COLEC12: variants seen among roughly 807,000 people sequenced by gnomAD.
COLEC12 encodes collectin-12.
COLEC12 carries 33 observed loss-of-function variants against 71.1 expected under a neutral mutation model. The ratio of observed to expected loss-of-function variants is 0.46; its 90% CI spans 0.35 to 0.62. The LOEUF (loss-of-function observed/expected upper bound fraction) is 0.62. Among genes scored for constraint, COLEC12 ranks in the 20% least tolerant of loss-of-function variants. The probability of loss-of-function intolerance (pLI) is 0.00; values close to 1 mark genes in which losing one functional copy is unlikely to be tolerated. For missense variants in COLEC12, 765 were observed against 916.1 expected (o/e 0.84, Z 2.13); for synonymous variants, 350 against 353.0 (o/e 0.99, Z 0.10).
At chr18:436,861 T>A (rs1191781269) in intron 2 of COLEC12, among the ~76,000 whole-genome samples, 1 of 152,232 alleles carries the variant, frequency 6.6e-6, no homozygotes. Context: ...CTCCCATGGC[T>A]GGTAGAGTTA....
intron 8 of COLEC12, among the ~76,000 whole-genome samples, chr18:329,474 C>A (rs905841311): frequency 1.3e-5 from 2 of 152,212 alleles, no homozygotes; most frequent in African/African-American, 2.4e-5. Flanking sequence ...CCCATCCCAT[C>A]CCCAGCTCCA....
intron 2 of COLEC12, among the ~76,000 whole-genome samples, chr18:425,049 A>G (rs1916173470): frequency 6.6e-6 from 1 of 152,134 alleles, no homozygotes; most frequent in South Asian, 2.1e-4. Flanking sequence ...TCAAATCCAA[A>G]TCAGGCTATT....
At chr18:378,082 G>T (rs991956552) in intron 2 of COLEC12, among the ~76,000 whole-genome samples, 1 of 152,166 alleles carries the variant, frequency 6.6e-6, no homozygotes, top group Non-Finnish European at 1.5e-5. Flanking sequence ...CTCTGGCACT[G>T]ATCAATGAGA....
intron 5 of COLEC12, among the ~76,000 whole-genome samples, chr18:341,695 C>T (rs1474175700): frequency 6.6e-6 from 1 of 152,248 alleles, no homozygotes; most frequent in East Asian, 1.9e-4. Flanking sequence ...GCTGACCCCA[C>T]TCTAGACACT....
At chr18:375,907 C>G (rs1567889241) in intron 2 of COLEC12, among the ~76,000 whole-genome samples, 2 of 152,278 alleles carry the variant, frequency 1.3e-5, no homozygotes, top group East Asian at 3.9e-4. Flanking sequence ...ATACTAAGAA[C>G]TACAGCAATA....
chr18:384,471 G>A (rs762857559), intron 2 of COLEC12, among the ~76,000 whole-genome samples: 7 of 152,174 alleles, frequency 4.6e-5, no homozygotes, highest in South Asian at 4.1e-4. Flanking sequence ...GGACTGCCAC[G>A]TGTAAGAGGA....
chr18:494,614 A>G (rs534384544), intron 1 of COLEC12, among the ~76,000 whole-genome samples: 4 of 152,242 alleles, frequency 2.6e-5, no homozygotes, highest in Admixed American at 1.3e-4. Context: ...ATCACTAAAC[A>G]TAATTGTATT....
At chr18:357,738 A>G (rs1212898785) in intron 2 of COLEC12, among the ~76,000 whole-genome samples, 1 of 152,268 alleles carries the variant, frequency 6.6e-6, no homozygotes, top group Non-Finnish European at 1.5e-5. Context: ...TATGACTTAA[A>G]AATAGCACAT....
At chr18:371,495 G>T (rs1351092306) in intron 2 of COLEC12, among the ~76,000 whole-genome samples, 1 of 146,756 alleles carries the variant, frequency 6.8e-6, no homozygotes, top group Non-Finnish European at 1.5e-5. Flanking sequence ...AGGACTCCAG[G>T]AGGGCCCTGG....
chr18:413,207 C>T (rs1567900403), intron 2 of COLEC12, among the ~76,000 whole-genome samples: 1 of 152,128 alleles, frequency 6.6e-6, no homozygotes, highest in African/African-American at 2.4e-5. Context: ...AGACATTTGA[C>T]TGAAGAAGAC....
chr18:476,807 C>T (rs1030529503), intron 2 of COLEC12, among the ~76,000 whole-genome samples: 2 of 152,214 alleles, frequency 1.3e-5, no homozygotes, highest in African/African-American at 4.8e-5. Flanking sequence ...ATACTGGTGC[C>T]TCATGTCCCA....
At chr18:496,228 GC>G (rs1215764231) in intron 1 of COLEC12, among the ~76,000 whole-genome samples, 3 of 152,162 alleles carry the variant, frequency 2.0e-5, no homozygotes, top group Non-Finnish European at 2.9e-5. Context: ...GCCATCATCG[GC>G]TAGCTTTTTC....
intron 1 of COLEC12, among the ~76,000 whole-genome samples, chr18:489,071 T>A (rs1332784561): frequency 6.6e-6 from 1 of 151,756 alleles, no homozygotes; most frequent in East Asian, 1.9e-4. Context: ...AGACAGCCAC[T>A]CCAAGGCTCA....
intron 2 of COLEC12, among the ~76,000 whole-genome samples, chr18:357,874 G>A (rs1914661995): frequency 6.6e-6 from 1 of 152,192 alleles, no homozygotes; most frequent in South Asian, 2.1e-4. Context: ...CCGGGCCATG[G>A]ACTGGTACCA....
At chr18:467,989 C>T (rs537997669) in intron 2 of COLEC12, among the ~76,000 whole-genome samples, 13 of 152,196 alleles carry the variant, frequency 8.5e-5, no homozygotes, top group South Asian at 2.1e-4. Flanking sequence ...TCAGGCCGGG[C>T]GCAGTGCCTC....
intron 5 of COLEC12, among the ~76,000 whole-genome samples, chr18:339,687 A>C (rs905238311): frequency 5.3e-5 from 8 of 152,090 alleles, no homozygotes; most frequent in African/African-American, 1.9e-4. Flanking sequence ...CCTTCCAAAA[A>C]CCACAAAGGA....
chr18:454,930 C>T (rs1220269281), intron 2 of COLEC12, among the ~76,000 whole-genome samples: 1 of 152,210 alleles, frequency 6.6e-6, no homozygotes, highest in Admixed American at 6.5e-5. Context: ...TTTGGACTGG[C>T]TAGAAAGGGC....
intron 4 of COLEC12, 114 bp from the exon 5 acceptor site, chr18:347,455 G>T: frequency 1.2e-6 from 1 of 839,776 alleles, no homozygotes; most frequent in Non-Finnish European, 1.9e-6. Flanking sequence ...TGCAAAATTG[G>T]CAGTATAAGC....
chr18:472,678 CAAAAAAAAAAAAAAA>C (rs765169609), intron 2 of COLEC12, among the ~76,000 whole-genome samples: 2 of 93,686 alleles, frequency 2.1e-5, no homozygotes, highest in Admixed American at 1.3e-4. Context: ...GGCCCTGTGA[CAAAAAAAAAAAAAAA>C]AAAAAAAAAA....
Sources: gnomAD v4.1 joint callset for allele counts (sites outside exome capture counted in the v4.1 genomes callset) on GRCh38, gnomAD v4.1.1 for gene constraint, MANE v1.5 for transcripts, NCBI Gene and HGNC (gene_info 2026-07-23, HGNC 2026-07-21) for gene names.